ERN1: variants seen among roughly 807,000 people sequenced by gnomAD.
The protein encoded by ERN1 is endoplasmic reticulum to nucleus signaling 1, also known as serine/threonine-protein kinase/endoribonuclease IRE1.
In ERN1, 39 loss-of-function variants were observed where a neutral mutation model predicts 113.1. The observed-to-expected ratio is 0.34, with a 90% CI of 0.27 to 0.45. ERN1 has a LOEUF of 0.45. ERN1 is among the 20% of genes least tolerant of loss of function. ERN1 has a pLI of 1.00. For synonymous variants in ERN1, 507 were observed against 515.9 expected (o/e 0.98, Z 0.23); for missense variants, 976 against 1,274.8 (o/e 0.77, Z 3.57).
At chr17:64,098,428 C>T (rs1914290555) in intron 1 of ERN1, 187 bp from the exon 2 acceptor site, 1 of 773,124 alleles carries the variant, frequency 1.3e-6, no homozygotes, top group Non-Finnish European at 2.3e-6. Context: ...TCACTCTAAG[C>T]AGTGATCCTG....
In ERN1 at chr17:64,052,947, T is replaced by C; in HGVS notation, c.2086A>G (p.Ile696Val). 4 of 1,613,378 alleles carry C rather than the reference T, an allele frequency of 2.5e-6. No individual in the cohort carries two copies. Among genetic ancestry groups the C allele is most frequent in the East Asian group, 2.2e-5 (1 of 44,862 alleles). Residue 696 changes from isoleucine (I) to valine (V), a missense_variant, in exon 17 of 22, where the codon ATA (isoleucine) becomes GTA (valine). Physicochemically the swap from Ile to Val is conservative, Grantham distance 29 (BLOSUM62 3). Coordinates refer to ENST00000433197, the MANE Select transcript of ERN1 (RefSeq NM_001433.5). ...TTGCCGTGTGCATTGGGCATGGATA[T>C]GAGGATGTTGTGTGGCTTTAGGTCT... ...HRDLKPHNIL[I>V]SMPNAHGKIK...
intron 17 of ERN1, among the ~76,000 whole-genome samples, chr17:64,052,532 C>A (rs1280245330): frequency 1.5e-4 from 3 of 20,566 alleles, no homozygotes; most frequent in South Asian, 7.5e-3. Flanking sequence ...AGCCAACCAA[C>A]CAAACAAAAA....
intron 2 of ERN1, among the ~76,000 whole-genome samples, chr17:64,091,385 C>A (rs1426839097): frequency 6.6e-6 from 1 of 152,194 alleles, no homozygotes; most frequent in Non-Finnish European, 1.5e-5. Context: ...GACGTCCAGG[C>A]AGAAGAGTTC....
intron 1 of ERN1, among the ~76,000 whole-genome samples, chr17:64,124,158 T>C (rs1427728909): frequency 3.3e-5 from 5 of 152,132 alleles, no homozygotes; most frequent in African/African-American, 9.7e-5. Flanking sequence ...CAGGTGGGAA[T>C]GTAAAATAGT....
At chr17:64,116,427 C>T (rs747844971) in intron 1 of ERN1, among the ~76,000 whole-genome samples, 2 of 152,102 alleles carry the variant, frequency 1.3e-5, no homozygotes, top group East Asian at 1.9e-4. Context: ...TAAAGGAAAC[C>T]GTTTTCTTCT....
intron 1 of ERN1, among the ~76,000 whole-genome samples, chr17:64,121,388 G>A (rs1189710252): frequency 6.6e-6 from 1 of 152,204 alleles, no homozygotes; most frequent in East Asian, 1.9e-4. Flanking sequence ...TGTTCTTTCA[G>A]ACATATGACT....
At position 64,054,519 on chromosome 17, in the gene ERN1, C is replaced by T. The variant is rs1269464503; in HGVS notation, c.1764-80G>A. 7.4e-7 allele frequency: 1 copy of T among 1,344,786 alleles called. No homozygotes were observed. The highest frequency in any genetic ancestry group is 1.5e-5 in the African/African-American group (1 of 68,844). 83.3% of individuals were successfully genotyped at this position (1,344,786 alleles called of 1,614,324 possible). A position where few individuals can be genotyped will look rare whatever the true frequency, so the allele number is the denominator to read the frequency against. On this transcript the variant is annotated intron_variant, in intron 14 of 21. Transcript: ENST00000433197. The surrounding 1 kb of genome is among the most constrained non-coding windows in gnomAD (Gnocchi z 4.9). ...ATGAGGTGAGAACCTGGGTCCACAG[C>T]ATTCACCTACTGCCTCCCAGCCTAG...
chr17:64,052,069 T>C (rs138385368), intron 17 of ERN1, among the ~76,000 whole-genome samples: 128 of 152,356 alleles, frequency 8.4e-4, no homozygotes, highest in Middle Eastern at 6.8e-3. Context: ...CAGGTATTCA[T>C]GTTAACATTC....
intron 5 of ERN1, among the ~76,000 whole-genome samples, chr17:64,072,978 C>G (rs1048319211): frequency 6.6e-6 from 1 of 150,722 alleles, no homozygotes; most frequent in Non-Finnish European, 1.5e-5. Context: ...TATTGAGATG[C>G]TGGAGAAGGT....
chr17:64,076,566 C>T (rs970460069), intron 4 of ERN1, among the ~76,000 whole-genome samples: 2 of 151,758 alleles, frequency 1.3e-5, no homozygotes, highest in Non-Finnish European at 2.9e-5. Flanking sequence ...TAAACCACAA[C>T]CCAGAAAGGA....
chr17:64,077,520 T>C (rs940104217), intron 4 of ERN1, among the ~76,000 whole-genome samples: 3 of 152,134 alleles, frequency 2.0e-5, no homozygotes, highest in South Asian at 2.1e-4. Context: ...CATAAGTGAA[T>C]GGCAGCGTGT....
Position 64,047,971 on chromosome 17 carries a change from G to A in ERN1, c.2416C>T (p.Arg806Cys). The A allele has an allele frequency of 3.1e-6, 5 of 1,612,248 alleles. No homozygotes were observed. The highest frequency in any genetic ancestry group is 4.2e-6 in the Non-Finnish European group (5 of 1,178,766). ...GCAATCATCTTCTCTATCAATTCAC[G>A]TGCAATGACGTCTTCTATAAAGGAG... is the stretch of plus-strand genomic sequence containing the variant. ...HPEKHEDVIA[R>C]ELIEKMIAMD... The change falls in exon 19 of 22, where the codon CGT becomes TGT. Residue 806 changes from arginine to cysteine, a missense_variant. Transcript: ENST00000433197.
Position 64,045,458 on chromosome 17 carries a change from C to G in ERN1, c.2554G>C (p.Glu852Gln). 4 of 1,613,994 alleles carry G rather than the reference C, an allele frequency of 2.5e-6. No homozygotes were observed. The highest frequency in any genetic ancestry group is 3.4e-6 in the Non-Finnish European group (4 of 1,179,886). The change falls in exon 20 of 22, where the codon GAA becomes CAA. Residue 852 changes from glutamate (E) to glutamine (Q), a missense_variant. Physicochemically the swap from Glu to Gln is conservative, Grantham distance 29. This residue lies in a region of ERN1 where 297 missense variants were observed against 457.8 expected (regional missense o/e 0.65). Coordinates refer to ENST00000433197, the MANE Select transcript of ERN1 (RefSeq NM_001433.5). ...FQDVSDRIEK[E>Q]SLDGPIVKQL... ...TTCACGATCGGGCCATCCAGGGATT[C>G]CTTTTCTATTCTGTCGCTCACGTCC...
chr17:64,066,791 A>G lies in ERN1; in HGVS notation c.722T>C (p.Met241Thr), dbSNP rs1376967376. 19 of 1,613,864 alleles carry G rather than the reference A, an allele frequency of 1.2e-5. No individual in the cohort carries two copies. The highest frequency in any genetic ancestry group is 1.6e-5 in the Non-Finnish European group (19 of 1,179,898). The change falls in exon 8 of 22, where the codon ATG becomes ACG. Residue 241 changes from methionine (M) to threonine (T), a missense_variant. By Grantham distance (81) the Met-to-Thr change is moderately conservative. This residue lies in a region of ERN1 where 459 missense variants were observed against 581.2 expected (regional missense o/e 0.79). Coordinates refer to ENST00000433197, the MANE Select transcript of ERN1 (RefSeq NM_001433.5). ...VWQREGLRKV[M>T]HINVAVETLR... is the part of the protein sequence containing the mutation. ...GGTCTCCACAGCGACATTGATGTGCATCACCTTCCTCAGACCCTCCCGCTG... is the reference window on the plus strand; with the variant it reads ...GGTCTCCACAGCGACATTGATGTGCGTCACCTTCCTCAGACCCTCCCGCTG...
chr17:64,049,298 C>T lies in ERN1; in HGVS notation c.2254-96G>A, dbSNP rs989015900. 7.7e-7 allele frequency: 1 copy of T among 1,290,768 alleles called. No homozygotes were observed. Among genetic ancestry groups the T allele is most frequent in the African/African-American group, 1.5e-5 (1 of 66,834 alleles). The allele number at this position is 1,290,768 out of a possible 1,614,324, so 80.0% of individuals were successfully genotyped here. A position where few individuals can be genotyped will look rare whatever the true frequency, so the allele number is the denominator to read the frequency against. On this transcript the variant is annotated intron_variant, in intron 17 of 21. Coordinates refer to ENST00000433197, the MANE Select transcript of ERN1 (RefSeq NM_001433.5). The surrounding 1 kb of genome is among the most constrained non-coding windows in gnomAD (Gnocchi z 4.7). ...GGAGCATTGCTGCTGCTTCTGCCAC[C>T]TAGAAGGTGTCCTGGGAGAATCAGC... is the stretch of plus-strand genomic sequence containing the variant.
chr17:64,080,694 C>T (rs1598065711), intron 3 of ERN1, 81 bp downstream of exon 3: 2 of 1,318,112 alleles, frequency 1.5e-6, no homozygotes, highest in Non-Finnish European at 2.1e-6. Flanking sequence ...TATATGCACT[C>T]CCAGCAACTG....
chr17:64,060,223 T>C (rs1322985033), intron 11 of ERN1, among the ~76,000 whole-genome samples: 2 of 152,182 alleles, frequency 1.3e-5, no homozygotes, highest in African/African-American at 4.8e-5. Context: ...CCTGGCCAAA[T>C]CCTACCCATT....
intron 2 of ERN1, among the ~76,000 whole-genome samples, chr17:64,091,919 A>G (rs1329456717): frequency 6.6e-6 from 1 of 152,136 alleles, no homozygotes; most frequent in Non-Finnish European, 1.5e-5. Context: ...CACGCTCCCT[A>G]TTTATCCTTT....
Position 64,055,611 on chromosome 17 carries a change from T to C in ERN1, c.1672+64A>G, listed in dbSNP as rs576450567. The C allele has an allele frequency of 1.8e-5, 26 of 1,443,950 alleles. No homozygotes were observed. In the African/African-American group the frequency reaches 2.6e-4, roughly 14 times the overall value. The allele number at this position is 1,443,950 out of a possible 1,614,324, so 89.4% of individuals were successfully genotyped here. ...TAGTTTACAATCTTATGGAGACTCCTTGGACTTCTCAGGAGGTGCTCGAAT... is the reference window on the plus strand; with the variant it reads ...TAGTTTACAATCTTATGGAGACTCCCTGGACTTCTCAGGAGGTGCTCGAAT... On this transcript the variant is annotated intron_variant, in intron 13 of 21. Transcript: ENST00000433197.
Sources: gnomAD v4.1 joint callset for allele counts (sites outside exome capture counted in the v4.1 genomes callset) on GRCh38, gnomAD v4.1.1 for gene constraint, gnomAD v4.1.1 regional missense constraint, Gnocchi (gnomAD v3.1) non-coding constraint, MANE v1.5 for transcripts, NCBI Gene and HGNC (gene_info 2026-07-23, HGNC 2026-07-21) for gene names.